The following CBR4 variants were observed in gnomAD, a reference collection of about 807,000 sequenced individuals.
CBR4 encodes 3-oxoacyl-[acyl-carrier-protein] reductase.
A neutral mutation model predicts 21.0 loss-of-function variants in CBR4; 22 were observed. The observed-to-expected ratio is 1.05, with a 90% CI of 0.75 to 1.50. The LOEUF (loss-of-function observed/expected upper bound fraction) is 1.50, where lower values mean the gene tolerates loss of function less well. CBR4 is among the 40% of genes most tolerant of loss of function. CBR4 has a pLI of 0.00. For synonymous variants in CBR4, 100 were observed against 104.4 expected, an observed-to-expected ratio of 0.96 and a Z score of 0.26; for missense variants, 302 against 286.3, an observed-to-expected ratio of 1.05 and a Z score of -0.40.
intron 2 of CBR4, chr4:168,924,530 T>C: frequency 9.3e-7 from 1 of 1,075,828 alleles, no homozygotes; most frequent in Non-Finnish European, 1.4e-6. Context: ...ACATAGATGT[T>C]TTGATTTTTG....
intron 2 of CBR4, chr4:168,898,761 G>A: frequency 7.8e-7 from 1 of 1,280,814 alleles, no homozygotes; most frequent in Non-Finnish European, 1.1e-6. Context: ...TCTGAGGAAA[G>A]GTTTAGCTTC....
rs1731027996 is a variant in CBR4 at position 169,007,656 on chromosome 4, T to C, written c.243A>G (p.Val81=). The change falls in exon 2 of 5, where the codon GTA becomes GTG. Residue 81 remains valine, a synonymous_variant. Transcript: ENST00000306193. The stretch of plus-strand genomic sequence containing the variant: ...CCAACCTGTTAATACCAGCTGCATT[T>C]ACCAAGAAATTTACTCGACCTAAAT... ...EKHLGRVNFL[V]NAAGINRDGL... The C allele has an allele frequency of 6.3e-7, 1 of 1,583,830 alleles. No individual in the cohort carries two copies. The highest frequency in any genetic ancestry group is 8.6e-7 in the Non-Finnish European group (1 of 1,167,326).
chr4:168,958,082 T>A (rs957108793), intron 2 of CBR4, among the ~76,000 whole-genome samples: 2 of 152,124 alleles, frequency 1.3e-5, no homozygotes, highest in Non-Finnish European at 2.9e-5. Context: ...CTGGCCAACA[T>A]GGTGAAACCC....
In CBR4 at chr4:169,010,130, G is replaced by A. The variant is rs542302030; in HGVS notation, c.-41C>T. 29 of 1,532,966 alleles carry A rather than the reference G, an allele frequency of 1.9e-5. No homozygotes were observed. Among genetic ancestry groups the A allele is most frequent in the African/African-American group, 7.0e-5 (5 of 70,976 alleles). The allele number at this position is 1,532,966 out of a possible 1,614,324, so 95.0% of individuals were successfully genotyped here. A position where few individuals can be genotyped will look rare whatever the true frequency, so the allele number is the denominator to read the frequency against. On this transcript the variant is annotated 5_prime_UTR_variant, in exon 1 of 5. Coordinates refer to ENST00000306193, the MANE Select transcript of CBR4 (RefSeq NM_032783.5). ...TCGGAGGAAAGAGGGTAGGGAGTGGGAGCCCCTCTCCAGGTTCCCTCAGGC... is the reference window on the plus strand; with the variant it reads ...TCGGAGGAAAGAGGGTAGGGAGTGGAAGCCCCTCTCCAGGTTCCCTCAGGC...
intron 2 of CBR4, among the ~76,000 whole-genome samples, chr4:168,918,478 A>G (rs1043790754): frequency 2.0e-5 from 3 of 152,168 alleles, no homozygotes; most frequent in Non-Finnish European, 4.4e-5. Flanking sequence ...TGTGCAATAT[A>G]AAAAAGTTGA....
intron 2 of CBR4, among the ~76,000 whole-genome samples, chr4:168,911,152 C>A (rs557459068): frequency 6.6e-6 from 1 of 152,240 alleles, no homozygotes; most frequent in Non-Finnish European, 1.5e-5. Flanking sequence ...CCTATTTGTA[C>A]AGAAAAAGAA....
At chr4:168,948,628 T>G (rs1366157635) in intron 2 of CBR4, among the ~76,000 whole-genome samples, 1 of 152,196 alleles carries the variant, frequency 6.6e-6, no homozygotes, top group Non-Finnish European at 1.5e-5. Flanking sequence ...AGGGTATCCC[T>G]TCCCCACTTT....
At chr4:168,953,189 G>A (rs1162693695) in intron 2 of CBR4, among the ~76,000 whole-genome samples, 1 of 152,086 alleles carries the variant, frequency 6.6e-6, no homozygotes, top group East Asian at 1.9e-4. Context: ...GGTTGTCAGC[G>A]AAGTGAGGGA....
intron 3 of CBR4, 123 bp downstream of exon 3, chr4:169,006,632 C>T (rs1730930374): frequency 1.1e-6 from 1 of 932,492 alleles, no homozygotes; most frequent in Non-Finnish European, 1.6e-6. Context: ...TAATTAAATC[C>T]TTTTTTCCAC....
At chr4:168,926,803 G>A (rs1005208325) in intron 2 of CBR4, 3 of 227,116 alleles carry the variant, frequency 1.3e-5, no homozygotes, top group African/African-American at 6.7e-5. Flanking sequence ...CAATGATTCT[G>A]AAGCACAGTG....
At chr4:168,974,565 T>C (rs1764312073) in intron 2 of CBR4, among the ~76,000 whole-genome samples, 1 of 152,144 alleles carries the variant, frequency 6.6e-6, no homozygotes, top group African/African-American at 2.4e-5. Flanking sequence ...TTTGGTCATT[T>C]AACATAATTC....
chr4:168,957,793 CAT>C (rs1313311669), intron 2 of CBR4, among the ~76,000 whole-genome samples: 2 of 152,192 alleles, frequency 1.3e-5, no homozygotes, highest in African/African-American at 2.4e-5. Flanking sequence ...ATAATCCCCA[CAT>C]GTCGTGGAAG....
At chr4:168,903,738 T>A in intron 2 of CBR4, 1 of 1,600,556 alleles carries the variant, frequency 6.2e-7, no homozygotes, top group Non-Finnish European at 8.6e-7. Context: ...TAATCTTTAA[T>A]CTTTGTTTCT....
intron 2 of CBR4, among the ~76,000 whole-genome samples, chr4:168,925,705 T>C (rs1762450773): frequency 6.6e-6 from 1 of 152,100 alleles, no homozygotes; most frequent in Non-Finnish European, 1.5e-5. Flanking sequence ...AGAAAAAAAT[T>C]AAGAATTTAT....
At chr4:168,939,862 C>G (rs1430803635) in intron 2 of CBR4, among the ~76,000 whole-genome samples, 4 of 152,140 alleles carry the variant, frequency 2.6e-5, no homozygotes, top group African/African-American at 7.2e-5. Flanking sequence ...GGCCATACTG[C>G]CCAAACTAAT....
At chr4:168,971,984 CCAGTTTCATT>C (rs1764226000) in intron 2 of CBR4, among the ~76,000 whole-genome samples, 1 of 152,118 alleles carries the variant, frequency 6.6e-6, no homozygotes, top group Non-Finnish European at 1.5e-5. Context: ...AGATGAGAAC[CCAGTTTCATT>C]CTTCCACATG....
intron 2 of CBR4, among the ~76,000 whole-genome samples, chr4:168,961,761 G>A (rs1241732819): frequency 6.6e-6 from 1 of 152,112 alleles, no homozygotes; most frequent in Non-Finnish European, 1.5e-5. Context: ...ATGGCGAAAG[G>A]CGCCTGTAAT....
chr4:168,910,616 C>T (rs930789953), intron 2 of CBR4, among the ~76,000 whole-genome samples: 1 of 152,066 alleles, frequency 6.6e-6, no homozygotes, highest in African/African-American at 2.4e-5. Flanking sequence ...ACAATGCTGC[C>T]CGGTGCTTTA....
intron 2 of CBR4, among the ~76,000 whole-genome samples, chr4:168,964,828 T>C (rs1204832043): frequency 7.8e-6 from 1 of 128,902 alleles, no homozygotes; most frequent in Admixed American, 7.5e-5. Flanking sequence ...TGTAGATCAC[T>C]GTGTTCAGCA....
Sources: gnomAD v4.1 joint callset for allele counts (sites outside exome capture counted in the v4.1 genomes callset) on GRCh38, gnomAD v4.1.1 for gene constraint, MANE v1.5 for transcripts, NCBI Gene and HGNC (gene_info 2026-07-23, HGNC 2026-07-21) for gene names.